The following DPY19L1 variants were observed in gnomAD, a reference collection of about 807,000 sequenced individuals.
DPY19L1 encodes the protein protein C-mannosyl-transferase DPY19L1.
DPY19L1 carries 35 observed loss-of-function variants against 96.9 expected under a neutral mutation model. The ratio of observed to expected loss-of-function variants is 0.36; its 90% confidence interval spans 0.28 to 0.48. The LOEUF (loss-of-function observed/expected upper bound fraction) is 0.48. Among genes scored for constraint, DPY19L1 ranks in the 20% least tolerant of loss-of-function variants. The pLI is 0.99. For synonymous variants in DPY19L1, 205 were observed against 252.6 expected (o/e 0.81, Z 1.79); for missense variants, 521 against 777.9 (o/e 0.67, Z 3.93).
intron 10 of DPY19L1, among the ~76,000 whole-genome samples, chr7:34,959,695 C>G (rs1784450871): frequency 6.7e-6 from 1 of 148,552 alleles, no homozygotes; most frequent in African/African-American, 2.5e-5. Context: ...AGGGGAACAT[C>G]ACACATCAGG....
chr7:34,953,061 A>G (rs1259475470), intron 13 of DPY19L1, among the ~76,000 whole-genome samples: 4 of 152,110 alleles, frequency 2.6e-5, no homozygotes, highest in Middle Eastern at 3.2e-3. Context: ...AACCTGTACT[A>G]CTGGAACAGG....
chr7:35,002,114 A>G (rs1258966709), intron 6 of DPY19L1, among the ~76,000 whole-genome samples: 11 of 146,142 alleles, frequency 7.5e-5, no homozygotes, highest in Non-Finnish European at 3.0e-5. Context: ...TAACAGAGCG[A>G]GACTCCAGCT....
chr7:35,037,793 C>A (rs1279096880), upstream of DPY19L1: 8 of 1,210,756 alleles, frequency 6.6e-6, no homozygotes, highest in Admixed American at 4.4e-5. Flanking sequence ...GGGGCCCGAC[C>A]CCTCTGGCGC....
chr7:35,026,609 G>C (rs145135043), intron 1 of DPY19L1, among the ~76,000 whole-genome samples: 79 of 152,264 alleles, frequency 5.2e-4, no homozygotes, highest in African/African-American at 1.7e-3. Flanking sequence ...GTGTCATTAT[G>C]TCAGAAGGTC....
chr7:34,982,605 T>C (rs923288457), intron 7 of DPY19L1, among the ~76,000 whole-genome samples: 7 of 152,230 alleles, frequency 4.6e-5, no homozygotes, highest in African/African-American at 1.7e-4. Flanking sequence ...AGAACAGCTG[T>C]TGGCTCTACC....
At chr7:35,008,029 C>T (rs920528740) in intron 6 of DPY19L1, among the ~76,000 whole-genome samples, 3 of 152,040 alleles carry the variant, frequency 2.0e-5, no homozygotes, top group African/African-American at 7.2e-5. Flanking sequence ...CAAAACTGAT[C>T]TGCTTATTAC....
chr7:35,010,680 T>C, intron 5 of DPY19L1, 119 bp from the exon 6 acceptor site: 3 of 720,408 alleles, frequency 4.2e-6, no homozygotes, highest in South Asian at 3.3e-5. Flanking sequence ...ATTAAATAGC[T>C]GCCTTGGTTC....
intron 10 of DPY19L1, among the ~76,000 whole-genome samples, chr7:34,966,159 A>C (rs1267178531): frequency 6.6e-6 from 1 of 151,590 alleles, no homozygotes; most frequent in Non-Finnish European, 1.5e-5. Flanking sequence ...ATCACCTTCT[A>C]ACATCCTACA....
At chr7:35,010,160 G>A (rs1488542508) in intron 6 of DPY19L1, among the ~76,000 whole-genome samples, 2 of 152,052 alleles carry the variant, frequency 1.3e-5, no homozygotes, top group African/African-American at 4.8e-5. Flanking sequence ...AACCCAGGAG[G>A]CGGAGGTTGC....
At chr7:34,947,485 G>T in intron 15 of DPY19L1, 145 bp downstream of exon 15, 1 of 612,784 alleles carries the variant, frequency 1.6e-6, no homozygotes, top group Non-Finnish European at 2.8e-6. Flanking sequence ...TCTATCAAAA[G>T]CTATCATTAA....
At chr7:34,984,427 C>A (rs1256629636) in intron 7 of DPY19L1, among the ~76,000 whole-genome samples, 1 of 152,064 alleles carries the variant, frequency 6.6e-6, no homozygotes, top group Non-Finnish European at 1.5e-5. Context: ...GAAAGAAGGG[C>A]CAATAGGGCT....
chr7:34,992,408 G>A (rs1053702449), intron 6 of DPY19L1, among the ~76,000 whole-genome samples: 1 of 152,160 alleles, frequency 6.6e-6, no homozygotes, highest in Non-Finnish European at 1.5e-5. Context: ...AGCCTTGAGA[G>A]AGATGTGACT....
intron 3 of DPY19L1, among the ~76,000 whole-genome samples, chr7:35,017,264 C>T (rs1403841129): frequency 9.9e-5 from 15 of 151,214 alleles, no homozygotes; most frequent in Admixed American, 7.9e-4. Context: ...GAGGCCGAGG[C>T]GGGTGGATCA....
intron 4 of DPY19L1, among the ~76,000 whole-genome samples, chr7:35,013,105 T>C (rs62463587): frequency 0.2 from 29,839 of 152,116 alleles, 3,303 homozygotes; most frequent in Admixed American, 0.35. Flanking sequence ...CATTAAAATA[T>C]ATATTCTATT....
At chr7:35,032,775 T>C (rs1322894950) in intron 1 of DPY19L1, among the ~76,000 whole-genome samples, 7 of 152,134 alleles carry the variant, frequency 4.6e-5, no homozygotes, top group African/African-American at 1.7e-4. Flanking sequence ...TTTACCCAAT[T>C]AGAGAAGCCA....
intron 4 of DPY19L1, among the ~76,000 whole-genome samples, chr7:35,012,020 G>A (rs375971447): frequency 7.9e-5 from 12 of 152,294 alleles, no homozygotes; most frequent in East Asian, 5.8e-4. Context: ...TCCCTCTTCC[G>A]GGCTGAGGCA....
chr7:34,937,235 G>A (rs959375643), intron 21 of DPY19L1, among the ~76,000 whole-genome samples: 15 of 152,168 alleles, frequency 9.9e-5, no homozygotes, highest in African/African-American at 3.6e-4. Flanking sequence ...AGAGAAAGTG[G>A]GTCACAGTAG....
At chr7:34,979,464 CTAAA>C (rs1784895012) in intron 7 of DPY19L1, among the ~76,000 whole-genome samples, 1 of 152,044 alleles carries the variant, frequency 6.6e-6, no homozygotes, top group South Asian at 2.1e-4. Context: ...CAGGTTGCTT[CTAAA>C]TTATTTAACC....
At chr7:34,951,920 G>T (rs1414790733) in intron 13 of DPY19L1, among the ~76,000 whole-genome samples, 1 of 151,570 alleles carries the variant, frequency 6.6e-6, no homozygotes, top group Non-Finnish European at 1.5e-5. Flanking sequence ...TACATTTCTG[G>T]AAAATCATAA....
Sources: allele counts gnomAD v4.1 joint callset (sites outside exome capture counted in the v4.1 genomes callset), GRCh38; gene constraint gnomAD v4.1.1; transcripts MANE v1.5; gene names NCBI Gene and HGNC (gene_info 2026-07-23, HGNC 2026-07-21).